The following COL14A1 variants were observed in gnomAD, a reference collection of about 807,000 sequenced individuals.
COL14A1 encodes the protein collagen type XIV alpha 1 chain.
Under a neutral mutation model 230.3 loss-of-function variants are expected in COL14A1, and 136 were observed. The ratio of observed to expected loss-of-function variants is 0.59; its 90% CI spans 0.51 to 0.68. The LOEUF is 0.68. Among genes scored for constraint, COL14A1 ranks in the 30% least tolerant of loss-of-function variants. The probability of loss-of-function intolerance (pLI) is 0.00; values close to 1 mark genes in which losing one functional copy is unlikely to be tolerated. For missense variants in COL14A1, 1,976 were observed against 2,215.8 expected, an observed-to-expected ratio of 0.89 and a Z score of 2.17; for synonymous variants, 792 against 784.1, an observed-to-expected ratio of 1.01 and a Z score of -0.17.
chr8:120,322,661 T>C (rs1250841599), intron 40 of COL14A1, among the ~76,000 whole-genome samples: 1 of 152,186 alleles, frequency 6.6e-6, no homozygotes, highest in Non-Finnish European at 1.5e-5. Flanking sequence ...GTTTTTCTGT[T>C]CCTGCATAAG....
At chr8:120,124,653 G>A (rs375082494), upstream of COL14A1, among the ~76,000 whole-genome samples, 85 of 152,318 alleles carry the variant, frequency 5.6e-4, no homozygotes, top group African/African-American at 1.9e-3. Context: ...AGAAGAGGAG[G>A]CTCGAAGGGG....
At chr8:120,226,430 A>G (rs1313204739) in intron 15 of COL14A1, among the ~76,000 whole-genome samples, 197 bp from the exon 16 acceptor site, 2 of 152,172 alleles carry the variant, frequency 1.3e-5, no homozygotes, top group Non-Finnish European at 2.9e-5. Context: ...TGGTTTCCCT[A>G]ATTTATGATA....
At chr8:120,144,766 T>A (rs1394263069) in intron 1 of COL14A1, among the ~76,000 whole-genome samples, 1 of 152,162 alleles carries the variant, frequency 6.6e-6, no homozygotes, top group East Asian at 1.9e-4. Context: ...CATTAATATA[T>A]AAAATCAATA....
At chr8:120,216,310 AT>A in intron 13 of COL14A1, 40 bp from the exon 14 acceptor site, 1 of 1,561,138 alleles carries the variant, frequency 6.4e-7, no homozygotes, top group Non-Finnish European at 8.7e-7. Flanking sequence ...CATGTATGTA[AT>A]TTGACATTTT....
chr8:120,223,708 G>T (rs1251800629), intron 14 of COL14A1, among the ~76,000 whole-genome samples: 1 of 152,072 alleles, frequency 6.6e-6, no homozygotes, highest in African/African-American at 2.4e-5. Context: ...TTATTGCTCT[G>T]CTCAAATGTC....
chr8:120,330,572 C>A (rs1563741263), intron 40 of COL14A1, among the ~76,000 whole-genome samples: 1 of 152,086 alleles, frequency 6.6e-6, no homozygotes, highest in Non-Finnish European at 1.5e-5. Context: ...ATGGGAAAGA[C>A]CAGCCCCTAT....
In COL14A1 at chr8:120,227,069, G is replaced by T. The variant is rs898520656; in HGVS notation, c.2005-151G>T. The stretch of plus-strand genomic sequence containing the variant: ...AATTTATTTGCTGAGGGGATTGAAA[G>T]GAATAAAGTCTCTGGCTTGACCTTA... On this transcript the variant is annotated intron_variant, in intron 16 of 47. Coordinates refer to ENST00000297848, the MANE Select transcript of COL14A1 (RefSeq NM_021110.4). 7.6e-6 allele frequency: 6 copies of T among 786,138 alleles called. No individual in the cohort carries two copies. The African/African-American group carries it at 1.1e-4, about 14-fold the overall frequency. 48.7% of individuals were successfully genotyped at this position (786,138 alleles called of 1,614,324 possible). A position where few individuals can be genotyped will look rare whatever the true frequency, so the allele number is the denominator to read the frequency against.
chr8:120,315,545 G>C lies in COL14A1; in HGVS notation c.4564G>C (p.Glu1522Gln). ...SIQGMPGMPG[E>Q]KGEKGDTGLP... ...TTTGGATATTCAGGGAATGCCAGGA[G>C]AAAAAGGAGAGAAAGGAGATACTGG... Residue 1522 changes from glutamate to glutamine, a missense_variant, in exon 39 of 48, where the codon GAA becomes CAA. By Grantham distance (29) the Glu-to-Gln change is conservative. This residue lies in a region of COL14A1 where 1,791 missense variants were observed against 2,019.5 expected (regional missense o/e 0.89). Coordinates refer to ENST00000297848, the MANE Select transcript of COL14A1 (RefSeq NM_021110.4). 1 of 1,613,514 alleles carries C rather than the reference G, an allele frequency of 6.2e-7. No individual in the cohort carries two copies. The highest frequency in any genetic ancestry group is 8.5e-7 in the Non-Finnish European group (1 of 1,179,554).
intron 5 of COL14A1, among the ~76,000 whole-genome samples, chr8:120,177,260 C>T (rs1816310296): frequency 1.3e-5 from 2 of 152,278 alleles, no homozygotes; most frequent in African/African-American, 4.8e-5. Context: ...AATTTCAAAA[C>T]ATAGAAGTAA....
At chr8:120,145,542 C>G (rs759598840) in intron 1 of COL14A1, among the ~76,000 whole-genome samples, 1 of 152,128 alleles carries the variant, frequency 6.6e-6, no homozygotes, top group African/African-American at 2.4e-5. Flanking sequence ...TCGCTTGAAC[C>G]CAGGAGGCAA....
chr8:120,199,396 T>C lies in COL14A1; in HGVS notation c.713-6T>C. The stretch of plus-strand genomic sequence containing the variant: ...CTGGTGTTTACTTTTCCTTGTTTTC[T>C]CCAAGGTCTTGCTTTGAACTACATT... On this transcript the variant is annotated splice_polypyrimidine_tract_variant and splice_region_variant and intron_variant, in intron 7 of 47. Transcript: ENST00000297848. The C allele has an allele frequency of 6.4e-7, 1 of 1,571,964 alleles. No individual in the cohort carries two copies. The highest frequency in any genetic ancestry group is 1.2e-5 in the South Asian group (1 of 82,186).
intron 5 of COL14A1, among the ~76,000 whole-genome samples, chr8:120,196,412 G>A (rs1454836894): frequency 1.3e-5 from 2 of 152,070 alleles, no homozygotes; most frequent in Non-Finnish European, 2.9e-5. Flanking sequence ...TTGCCTCCTG[G>A]CCGTCTTCCC....
intron 34 of COL14A1, among the ~76,000 whole-genome samples, chr8:120,291,678 A>G (rs966382243): frequency 2.0e-5 from 3 of 152,118 alleles, no homozygotes; most frequent in African/African-American, 7.2e-5. Flanking sequence ...AATTTTAGAA[A>G]TAACGAATAT....
chr8:120,209,001 A>G (rs1018128749), intron 11 of COL14A1, among the ~76,000 whole-genome samples: 1 of 152,202 alleles, frequency 6.6e-6, no homozygotes, highest in Non-Finnish European at 1.5e-5. Flanking sequence ...TCTGCCTCTG[A>G]TAGAACAATA....
intron 1 of COL14A1, among the ~76,000 whole-genome samples, chr8:120,128,922 G>A (rs1296035903): frequency 6.6e-6 from 1 of 152,108 alleles, no homozygotes; most frequent in African/African-American, 2.4e-5. Flanking sequence ...ATGTCTTAGG[G>A]TGTGTCTTTA....
At chr8:120,251,236 G>C (rs531082457) in intron 22 of COL14A1, among the ~76,000 whole-genome samples, 20 of 152,264 alleles carry the variant, frequency 1.3e-4, no homozygotes, top group African/African-American at 3.9e-4. Context: ...TTGGCAGGCG[G>C]GATGTCAGTA....
chr8:120,181,315 GA>G (rs1816457626), intron 5 of COL14A1, among the ~76,000 whole-genome samples: 1 of 152,070 alleles, frequency 6.6e-6, no homozygotes, highest in African/African-American at 2.4e-5. Flanking sequence ...AAAAATTGAA[GA>G]ATTTTTAAAA....
intron 40 of COL14A1, among the ~76,000 whole-genome samples, chr8:120,328,055 C>A (rs939806544): frequency 6.6e-6 from 1 of 152,188 alleles, no homozygotes; most frequent in Non-Finnish European, 1.5e-5. Flanking sequence ...TGAGCCACTG[C>A]ACCTGGCCAT....
intron 2 of COL14A1, among the ~76,000 whole-genome samples, chr8:120,153,232 G>A (rs898756051): frequency 9.9e-5 from 15 of 152,090 alleles, no homozygotes; most frequent in Admixed American, 2.0e-4. Context: ...TTGCTATGTC[G>A]CCCAGGCTGG....
Sources: allele counts gnomAD v4.1 joint callset (sites outside exome capture counted in the v4.1 genomes callset), GRCh38; gene constraint gnomAD v4.1.1; regional missense constraint gnomAD v4.1.1; transcripts MANE v1.5; gene names NCBI Gene and HGNC (gene_info 2026-07-23, HGNC 2026-07-21).